Variants in BID observed in about 807,000 individuals in gnomAD.
BID encodes BH3 interacting domain death agonist, also known as BH3-interacting domain death agonist.
In BID, 19 loss-of-function variants were observed where a neutral mutation model predicts 17.4. That is an observed-to-expected ratio of 1.09 (90% CI 0.76 to 1.60). The LOEUF is 1.60. Ranked by LOEUF, BID falls within the 40% of genes most tolerant of loss-of-function variation. The pLI is 0.00. For synonymous variants in BID, 108 were observed against 102.8 expected, an observed-to-expected ratio of 1.05 and a Z score of -0.31; for missense variants, 226 against 256.0, an observed-to-expected ratio of 0.88 and a Z score of 0.80.
intron 1 of BID, among the ~76,000 whole-genome samples, chr22:17,767,612 G>T (rs566801672): frequency 2.6e-5 from 4 of 152,284 alleles, no homozygotes. Context: ...TGACCACAGA[G>T]AACTGATCTC....
chr22:17,749,828 C>A (rs1236052116), intron 2 of BID, among the ~76,000 whole-genome samples: 1 of 152,224 alleles, frequency 6.6e-6, no homozygotes, highest in Non-Finnish European at 1.5e-5. Context: ...GGTCTTAAAC[C>A]CAAAGCCCCC....
At chr22:17,744,290 G>A (rs1355602644) in intron 2 of BID, among the ~76,000 whole-genome samples, 2 of 152,276 alleles carry the variant, frequency 1.3e-5, no homozygotes, top group East Asian at 1.9e-4. Flanking sequence ...CCTGAAACAC[G>A]CGGCTGGGGA....
chr22:17,754,223 T>C lies in BID; in HGVS notation c.-58-4049A>G, dbSNP rs534568641. On this transcript the variant is annotated intron_variant, in intron 1 of 5. Coordinates refer to ENST00000622694, the MANE Select transcript of BID (RefSeq NM_001196.4). ...GACATTCCCCCAGTCTCCAGGACTC[T>C]GCCGGATGGGGGTGACATTCCCCCA... 2.2e-4 allele frequency among the ~76,000 whole-genome samples: 34 copies of C among 152,066 alleles called. No individual in the cohort carries two copies. In the South Asian group the frequency reaches 6.5e-3, roughly 29 times the overall value.
intron 4 of BID, 24 bp downstream of exon 4, chr22:17,739,325 C>T (rs756694918): frequency 2.5e-5 from 39 of 1,548,072 alleles, no homozygotes; most frequent in Non-Finnish European, 2.9e-5. Flanking sequence ...TGCCCGCCCA[C>T]GCGGTCCTCA....
At chr22:17,737,592 T>C (rs952092589) in intron 5 of BID, among the ~76,000 whole-genome samples, 12 of 152,322 alleles carry the variant, frequency 7.9e-5, no homozygotes, top group Admixed American at 5.2e-4. Flanking sequence ...GTGATCCACC[T>C]GCCTTGGCCT....
rs1391602888 is a variant in BID at position 17,753,447 on chromosome 22, C to T, written c.-58-3273G>A. On this transcript the variant is annotated intron_variant, in intron 1 of 5. Transcript: ENST00000622694. ...ACATGAGGCCGCCTCCCCTAGGCAA[C>T]GGTCTTGGAGGGCTTTAGGAGCAGG... 5.9e-5 allele frequency among the ~76,000 whole-genome samples: 9 copies of T among 152,214 alleles called. No individual in the cohort carries two copies. In the East Asian group the frequency reaches 1.2e-3, roughly 20 times the overall value.
At chr22:17,746,188 A>G (rs546928907) in intron 2 of BID, among the ~76,000 whole-genome samples, 4 of 151,868 alleles carry the variant, frequency 2.6e-5, no homozygotes, top group South Asian at 4.2e-4. Context: ...CATGGACACG[A>G]AGATGGAGAG....
intron 3 of BID, chr22:17,739,980 G>T: frequency 1.6e-6 from 2 of 1,245,918 alleles, no homozygotes; most frequent in Non-Finnish European, 2.3e-6. Context: ...CACCGGCAAG[G>T]CCCTGGAGAA....
chr22:17,750,226 G>C (rs1246875057), intron 1 of BID, 52 bp from the exon 2 acceptor site: 3 of 1,517,350 alleles, frequency 2.0e-6, no homozygotes, highest in African/African-American at 2.7e-5. Context: ...CCCTGGTCAG[G>C]ACCCCTCGGG....
At chr22:17,766,554 T>A (rs998841121) in intron 1 of BID, among the ~76,000 whole-genome samples, 1 of 152,006 alleles carries the variant, frequency 6.6e-6, no homozygotes, top group East Asian at 1.9e-4. Flanking sequence ...GTGCTGGGAT[T>A]ACAGGCGTGA....
rs2061432002 is a variant in BID, at chr22:17,738,041, G to A, written c.552C>T (p.Thr184=). ...TVNFINQNLR[T]YVRSLARNGM... The stretch of plus-strand genomic sequence containing the variant: ...CATTTCTGGCTAAGCTCCTCACGTA[G>A]GTGCGTAGGTTCTGGTTAATAAAAT... Residue 184 remains threonine, a synonymous_variant, in exon 5 of 6, where the codon ACC becomes ACT. Transcript: ENST00000622694. 2.5e-6 allele frequency: 4 copies of A among 1,614,192 alleles called. No homozygotes were observed. The highest frequency in any genetic ancestry group is 3.4e-6 in the Non-Finnish European group (4 of 1,180,048).
intron 1 of BID, among the ~76,000 whole-genome samples, chr22:17,757,053 A>G (rs1437903921): frequency 4.6e-5 from 7 of 152,134 alleles, no homozygotes; most frequent in Admixed American, 2.0e-4. Flanking sequence ...TTCAGAAGGA[A>G]TCTTAGATTG....
chr22:17,768,461 G>C (rs2061694167), intron 1 of BID, among the ~76,000 whole-genome samples: 1 of 152,230 alleles, frequency 6.6e-6, no homozygotes, highest in Non-Finnish European at 1.5e-5. Flanking sequence ...GGGCTTCTGG[G>C]TGGGGCATGG....
intron 1 of BID, among the ~76,000 whole-genome samples, chr22:17,757,890 A>G (rs1381596654): frequency 6.6e-6 from 1 of 152,140 alleles, no homozygotes; most frequent in Non-Finnish European, 1.5e-5. Context: ...CTACCCATCG[A>G]TCCGTTACGT....
At chr22:17,750,645 G>A (rs1241163882) in intron 1 of BID, among the ~76,000 whole-genome samples, 9 of 152,052 alleles carry the variant, frequency 5.9e-5, no homozygotes, top group Non-Finnish European at 1.3e-4. Context: ...TGGCTAATGC[G>A]GTGAAACCCT....
chr22:17,743,121 C>T (rs1185230335), intron 3 of BID, among the ~76,000 whole-genome samples: 1 of 152,260 alleles, frequency 6.6e-6, no homozygotes, highest in African/African-American at 2.4e-5. Flanking sequence ...ACCTGGGTTT[C>T]CTCACCTGGA....
intron 1 of BID, among the ~76,000 whole-genome samples, chr22:17,771,710 G>A (rs956879811): frequency 9.2e-5 from 14 of 152,218 alleles, no homozygotes; most frequent in Non-Finnish European, 1.6e-4. Flanking sequence ...TTGGACCAAC[G>A]CAGGCAGAAA....
intron 3 of BID, among the ~76,000 whole-genome samples, chr22:17,742,360 A>G (rs2061465472): frequency 6.6e-6 from 1 of 151,794 alleles, no homozygotes; most frequent in African/African-American, 2.4e-5. Context: ...GTGCCTGTCC[A>G]CTCCTGCCCT....
chr22:17,744,041 G>T, intron 2 of BID, 28 bp from the exon 3 acceptor site: 4 of 1,593,968 alleles, frequency 2.5e-6, no homozygotes, highest in Non-Finnish European at 3.4e-6. Flanking sequence ...TCAGGAAGCC[G>T]GGACTTCAGC....
Sources: allele counts gnomAD v4.1 joint callset (sites outside exome capture counted in the v4.1 genomes callset), GRCh38; gene constraint gnomAD v4.1.1; transcripts MANE v1.5; gene names NCBI Gene and HGNC (gene_info 2026-07-23, HGNC 2026-07-21).